The following SMIM20 variants were observed in gnomAD, a reference collection of about 807,000 sequenced individuals.
SMIM20 encodes mitochondrial translation regulation assembly intermediate of cytochrome c oxidase protein of 7 kDa.
SMIM20 carries 3 observed loss-of-function variants against 8.7 expected under a neutral mutation model. That is an observed-to-expected ratio of 0.34 (90% CI 0.16 to 0.89). SMIM20 has a LOEUF of 0.89. Among genes scored for constraint, SMIM20 ranks in the 40% least tolerant of loss-of-function variants. The pLI, the probability that SMIM20 is intolerant of heterozygous loss-of-function variation, is 0.49. For synonymous variants in SMIM20, 44 were observed against 33.6 expected (o/e 1.31, Z -1.07); for missense variants, 85 against 84.8 (o/e 1.00, Z -0.01).
chr4:25,921,032 C>G (rs930651278), intron 1 of SMIM20, among the ~76,000 whole-genome samples: 1 of 152,220 alleles, frequency 6.6e-6, no homozygotes, highest in African/African-American at 2.4e-5. Flanking sequence ...AGATGAGTGA[C>G]ACAGGACTGT....
intron 1 of SMIM20, among the ~76,000 whole-genome samples, chr4:25,924,840 T>C (rs1719258544): frequency 6.6e-6 from 1 of 152,214 alleles, no homozygotes; most frequent in Non-Finnish European, 1.5e-5. Context: ...AGTTGGAGCA[T>C]TTCTAATCTG....
At position 25,914,226 on chromosome 4, in the gene SMIM20, C is replaced by T. The variant is rs1215775736; in HGVS notation, c.-88C>T. 3 of 1,499,382 alleles carry T rather than the reference C, an allele frequency of 2.0e-6. No individual in the cohort carries two copies. The highest frequency in any genetic ancestry group is 2.8e-5 in the African/African-American group (2 of 71,334). 92.9% of individuals were successfully genotyped at this position (1,499,382 alleles called of 1,614,324 possible). A position where few individuals can be genotyped will look rare whatever the true frequency, so the allele number is the denominator to read the frequency against. On this transcript the variant is annotated 5_prime_UTR_variant, in exon 1 of 3. Coordinates refer to ENST00000506197, the MANE Select transcript of SMIM20 (RefSeq NM_001145432.3). ...GAAGCGAAAGCCTCTCCACCTCTTCCGAGCGGGGTCACGGCCCGGCCGTCG... is the reference window on the plus strand; with the variant it reads ...GAAGCGAAAGCCTCTCCACCTCTTCTGAGCGGGGTCACGGCCCGGCCGTCG...
chr4:25,914,438 C>T lies in SMIM20; in HGVS notation c.109+16C>T. On this transcript the variant is annotated intron_variant, in intron 1 of 2. Transcript: ENST00000506197. ...GAGGAGTACAGTGAGTGATCTCTAA[C>T]CCCTTGCGGTGACCTGACTCCCCAA... The T allele has an allele frequency of 1.4e-6, 2 of 1,454,946 alleles. No homozygotes were observed. Among genetic ancestry groups the T allele is most frequent in the African/African-American group, 1.4e-5 (1 of 70,172 alleles). The allele number at this position is 1,454,946 out of a possible 1,614,324, so 90.1% of individuals were successfully genotyped here. A position where few individuals can be genotyped will look rare whatever the true frequency, so the allele number is the denominator to read the frequency against.
intron 1 of SMIM20, among the ~76,000 whole-genome samples, chr4:25,922,426 C>A (rs1719216292): frequency 6.6e-6 from 1 of 152,170 alleles, no homozygotes; most frequent in South Asian, 2.1e-4. Context: ...TGGGCACTTC[C>A]AGGTGATGGC....
chr4:25,918,100 G>A (rs1438733927), intron 1 of SMIM20, among the ~76,000 whole-genome samples: 6 of 151,942 alleles, frequency 3.9e-5, no homozygotes, highest in African/African-American at 1.4e-4. Context: ...CCGCCACCAC[G>A]CCCGGCTAAT....
At chr4:25,922,478 G>T (rs1330650987) in intron 1 of SMIM20, among the ~76,000 whole-genome samples, 1 of 152,208 alleles carries the variant, frequency 6.6e-6, no homozygotes, top group Non-Finnish European at 1.5e-5. Context: ...TCATTTATGA[G>T]TAAGAGGCAC....
rs148611875 is a variant in SMIM20, at chr4:25,927,086, A to G, written c.110-1227A>G. Among the ~76,000 whole-genome samples the G allele has an allele frequency of 4.4e-3, 674 of 152,330 alleles. 18 individuals carry two copies. Among genetic ancestry groups the G allele is most frequent in the Admixed American group, 0.029 (451 of 15,292 alleles). ...CACTCTAAATGGAAGAAATCTTTTG[A>G]TATATCTTGAGAGAATCTTGGTTGC... On this transcript the variant is annotated intron_variant, in intron 1 of 2. Transcript: ENST00000506197.
At chr4:25,924,069 A>G (rs1362781196) in intron 1 of SMIM20, among the ~76,000 whole-genome samples, 1 of 151,984 alleles carries the variant, frequency 6.6e-6, no homozygotes, top group Non-Finnish European at 1.5e-5. Flanking sequence ...CCTTCAGCCA[A>G]CTGGGTTGCA....
At chr4:25,914,480 C>A (rs1297653540) in intron 1 of SMIM20, 58 bp downstream of exon 1, 14 of 1,376,592 alleles carry the variant, frequency 1.0e-5, no homozygotes, top group Non-Finnish European at 1.1e-5. Context: ...CACCTCCCCT[C>A]TGTGAGCTCC....
At position 25,914,393 on chromosome 4, in the gene SMIM20, T is replaced by C; in HGVS notation, c.80T>C (p.Phe27Ser). ...GGCGCCGCCTTCTATCCCATCTACT[T>C]CCGGCCCCTAATGAGATTGGAGGAG... ...LIGAAFYPIY[F>S]RPLMRLEEYK... is the part of the protein sequence containing the mutation. Residue 27 changes from phenylalanine to serine, a missense_variant, in exon 1 of 3, where the codon TTC becomes TCC. Coordinates refer to ENST00000506197, the MANE Select transcript of SMIM20 (RefSeq NM_001145432.3). 1 of 1,533,964 alleles carries C rather than the reference T, an allele frequency of 6.5e-7. No homozygotes were observed. Among genetic ancestry groups the C allele is most frequent in the South Asian group, 1.2e-5 (1 of 82,138 alleles).
At chr4:25,914,519 G>C (rs1719040701) in intron 1 of SMIM20, 97 bp downstream of exon 1, 3 of 1,202,636 alleles carry the variant, frequency 2.5e-6, no homozygotes, top group Non-Finnish European at 3.3e-6. Context: ...AACTTGGCTC[G>C]AGGGTTAGGG....
At chr4:25,919,067 G>C (rs1241450153) in intron 1 of SMIM20, among the ~76,000 whole-genome samples, 207 of 148,942 alleles carry the variant, frequency 1.4e-3, no homozygotes, top group African/African-American at 4.8e-3. Context: ...ACCGCGCCCG[G>C]CTAATTTTTT....
At chr4:25,918,511 T>C (rs1051770975) in intron 1 of SMIM20, among the ~76,000 whole-genome samples, 3 of 148,772 alleles carry the variant, frequency 2.0e-5, no homozygotes, top group Non-Finnish European at 3.0e-5. Context: ...ACCAGATTCC[T>C]TTTTTTTTTG....
intron 1 of SMIM20, among the ~76,000 whole-genome samples, chr4:25,923,187 A>G (rs7664132): frequency 1 from 151,779 of 152,308 alleles, 75,626 homozygotes; most frequent in East Asian, 1. Flanking sequence ...AGTCCCAGAC[A>G]CTTTTTAGCT....
intron 1 of SMIM20, among the ~76,000 whole-genome samples, chr4:25,921,268 T>G (rs1227155934): frequency 6.6e-6 from 1 of 152,094 alleles, no homozygotes; most frequent in Non-Finnish European, 1.5e-5. Context: ...GCATGGTGGC[T>G]CAAACCTGTA....
At chr4:25,914,461 C>T in intron 1 of SMIM20, 39 bp downstream of exon 1, 1 of 1,424,006 alleles carries the variant, frequency 7.0e-7, no homozygotes, top group South Asian at 1.5e-5. Context: ...CCTGACTCCC[C>T]AACACACACA....
chr4:25,929,493 C>T lies in SMIM20; in HGVS notation c.*302C>T, dbSNP rs1175761703. On this transcript the variant is annotated 3_prime_UTR_variant, in exon 3 of 3. Coordinates refer to ENST00000506197, the MANE Select transcript of SMIM20 (RefSeq NM_001145432.3). ...AGGAGCAATCTGCTTATTATTCTGT[C>T]GTTACCACTTACTCAAGCGAGCTGT... 1.9e-5 allele frequency: 6 copies of T among 312,318 alleles called. No individual in the cohort carries two copies. Among genetic ancestry groups the T allele is most frequent in the South Asian group, 7.6e-5 (1 of 13,172 alleles). The allele number at this position is 312,318 out of a possible 1,614,324, so 19.3% of individuals were successfully genotyped here. A position where few individuals can be genotyped will look rare whatever the true frequency, so the allele number is the denominator to read the frequency against.
chr4:25,916,458 C>T (rs1039372428), intron 1 of SMIM20, among the ~76,000 whole-genome samples: 8 of 151,398 alleles, frequency 5.3e-5, no homozygotes, highest in African/African-American at 1.5e-4. Flanking sequence ...GTGATCCACC[C>T]GCCTTGGCCT....
intron 1 of SMIM20, among the ~76,000 whole-genome samples, chr4:25,923,398 T>C (rs1025488442): frequency 1.1e-4 from 16 of 152,212 alleles, no homozygotes; most frequent in Non-Finnish European, 2.4e-4. Context: ...GAAATTTTAA[T>C]TGGATGTTCA....
Sources: allele counts gnomAD v4.1 joint callset (sites outside exome capture counted in the v4.1 genomes callset), GRCh38; gene constraint gnomAD v4.1.1; transcripts MANE v1.5; gene names NCBI Gene and HGNC (gene_info 2026-07-23, HGNC 2026-07-21).